The following TMEM132D variants were observed in gnomAD, a reference collection of about 807,000 sequenced individuals.
TMEM132D encodes the protein transmembrane protein 132D.
Under a neutral mutation model 62.3 loss-of-function variants are expected in TMEM132D, and 21 were observed. The ratio of observed to expected loss-of-function variants is 0.34; its 90% CI spans 0.24 to 0.49. The LOEUF (loss-of-function observed/expected upper bound fraction) is 0.49. Ranked by LOEUF, TMEM132D falls within the 20% of genes least tolerant of loss-of-function variation. The pLI, the probability that TMEM132D is intolerant of heterozygous loss-of-function variation, is 0.99. For synonymous variants in TMEM132D, 621 were observed against 575.6 expected, an observed-to-expected ratio of 1.08 and a Z score of -1.13; for missense variants, 1,346 against 1,402.8, an observed-to-expected ratio of 0.96 and a Z score of 0.65.
At chr12:129,847,671 C>T (rs1243226072) in intron 1 of TMEM132D, among the ~76,000 whole-genome samples, 1 of 152,130 alleles carries the variant, frequency 6.6e-6, no homozygotes, top group Non-Finnish European at 1.5e-5. Flanking sequence ...TACGTCCTTG[C>T]TCTATGACCG....
intron 4 of TMEM132D, among the ~76,000 whole-genome samples, chr12:129,279,472 C>T (rs1593321215): frequency 6.6e-6 from 1 of 152,094 alleles, no homozygotes; most frequent in African/African-American, 2.4e-5. Flanking sequence ...CCACATTTTA[C>T]ATCCTTTGAA....
intron 1 of TMEM132D, among the ~76,000 whole-genome samples, chr12:129,708,967 T>G (rs919322545): frequency 6.6e-6 from 1 of 152,140 alleles, no homozygotes; most frequent in Non-Finnish European, 1.5e-5. Flanking sequence ...ATCAGAACTT[T>G]CCAGAGTGAG....
intron 4 of TMEM132D, among the ~76,000 whole-genome samples, chr12:129,279,956 A>G (rs1881096163): frequency 6.6e-6 from 1 of 152,202 alleles, no homozygotes; most frequent in Non-Finnish European, 1.5e-5. Context: ...AAAGTGACAC[A>G]TTGACTTTTC....
At chr12:129,402,264 G>A (rs1471173196) in intron 3 of TMEM132D, among the ~76,000 whole-genome samples, 5 of 152,188 alleles carry the variant, frequency 3.3e-5, no homozygotes, top group Non-Finnish European at 7.3e-5. Context: ...GCACGTCCCT[G>A]AGGTCTGCAC....
rs115135519 is a variant in TMEM132D at position 129,115,064 on chromosome 12, C to T, written c.1444-30362G>A. On this transcript the variant is annotated intron_variant, in intron 5 of 8. Coordinates refer to ENST00000422113, the MANE Select transcript of TMEM132D (RefSeq NM_133448.3). Reference sequence around the variant, plus strand: ...TAGGCGTGGAAAGGGTCACAGAGCTCGTATACATCCTCTTTTATTTTCACT... The same window carrying T: ...TAGGCGTGGAAAGGGTCACAGAGCTTGTATACATCCTCTTTTATTTTCACT... 4.8e-3 allele frequency among the ~76,000 whole-genome samples: 731 copies of T among 152,236 alleles called. 7 individuals carry two copies. The highest frequency in any genetic ancestry group is 0.017 in the African/African-American group (698 of 41,536).
At chr12:129,745,158 T>A (rs1236453949) in intron 1 of TMEM132D, among the ~76,000 whole-genome samples, 3 of 152,188 alleles carry the variant, frequency 2.0e-5, no homozygotes, top group African/African-American at 7.2e-5. Flanking sequence ...TAAATCTCTT[T>A]CCTTTAAAAA....
At chr12:129,224,314 T>G (rs1288785762) in intron 4 of TMEM132D, among the ~76,000 whole-genome samples, 5 of 152,214 alleles carry the variant, frequency 3.3e-5, no homozygotes, top group Admixed American at 1.3e-4. Flanking sequence ...TTGTCTTCTG[T>G]TCCGATGAAT....
chr12:129,898,824 G>A (rs1364218513), intron 1 of TMEM132D, among the ~76,000 whole-genome samples: 1 of 152,238 alleles, frequency 6.6e-6, no homozygotes, highest in African/African-American at 2.4e-5. Context: ...GGTATGGGGT[G>A]CATTGTTGGT....
chr12:129,236,383 C>T (rs1879783491), intron 4 of TMEM132D, among the ~76,000 whole-genome samples: 2 of 151,496 alleles, frequency 1.3e-5, no homozygotes, highest in South Asian at 2.1e-4. Context: ...GGCGTGGTGG[C>T]GTGCGCCTGT....
intron 8 of TMEM132D, 86 bp downstream of exon 8, chr12:129,078,430 TGATCCCACTCTATTGTGC>T (rs1238203391): frequency 8.5e-7 from 1 of 1,169,638 alleles, no homozygotes; most frequent in African/African-American, 1.5e-5. Context: ...GCCCGATATA[TGATCCCACTCTATTGTGC>T]GACCCGCCTG....
At chr12:129,249,277 T>TA (rs377104250) in intron 4 of TMEM132D, among the ~76,000 whole-genome samples, 1 of 152,368 alleles carries the variant, frequency 6.6e-6, no homozygotes, top group African/African-American at 2.4e-5. Flanking sequence ...ACAGATACCC[T>TA]AAGGTGCCTT....
chr12:129,824,733 TGTCTGTTGTTTGAGCCACCCA>T (rs1158713720), intron 1 of TMEM132D, among the ~76,000 whole-genome samples: 1 of 152,166 alleles, frequency 6.6e-6, no homozygotes, highest in East Asian at 1.9e-4. Context: ...GAGAAATAAA[TGTCTGTTGTTTGAGCCACCCA>T]GTCTGTGGCA....
intron 2 of TMEM132D, among the ~76,000 whole-genome samples, chr12:129,615,526 G>A (rs1878889741): frequency 2.6e-5 from 4 of 150,966 alleles, no homozygotes; most frequent in Non-Finnish European, 5.9e-5. Flanking sequence ...CAGTGTGAGA[G>A]GATTGTTCGA....
chr12:129,532,065 A>G (rs1290571809), intron 2 of TMEM132D, among the ~76,000 whole-genome samples: 1 of 152,108 alleles, frequency 6.6e-6, no homozygotes, highest in East Asian at 1.9e-4. Context: ...CAAAAGAAAA[A>G]TAATAATAAA....
At chr12:129,401,901 C>G (rs1248428336) in intron 3 of TMEM132D, among the ~76,000 whole-genome samples, 1 of 152,146 alleles carries the variant, frequency 6.6e-6, no homozygotes, top group Non-Finnish European at 1.5e-5. Flanking sequence ...GCCAGGGCAG[C>G]CTGAGGAATG....
At chr12:129,449,346 A>G (rs1030242685) in intron 3 of TMEM132D, among the ~76,000 whole-genome samples, 5 of 152,214 alleles carry the variant, frequency 3.3e-5, no homozygotes, top group African/African-American at 1.2e-4. Context: ...CCTGGTGTTA[A>G]GGAATGAATA....
At chr12:129,160,770 GA>G in intron 5 of TMEM132D, among the ~76,000 whole-genome samples, 2 of 152,266 alleles carry the variant, frequency 1.3e-5, no homozygotes, top group Middle Eastern at 6.8e-3. Context: ...TTACTACAAA[GA>G]AAAAAGAAAC....
chr12:129,520,420 T>C (rs1432322838), intron 3 of TMEM132D, among the ~76,000 whole-genome samples: 1 of 152,254 alleles, frequency 6.6e-6, no homozygotes, highest in Non-Finnish European at 1.5e-5. Context: ...TCATTAGTAG[T>C]GACTCCTTTC....
Position 129,661,744 on chromosome 12 carries a change from C to T in TMEM132D, c.968+38066G>A, listed in dbSNP as rs1008056471. On this transcript the variant is annotated intron_variant, in intron 2 of 8. Transcript: ENST00000422113. ...ATGGCAAGGAACAAGAAAAATTCAACAATAGTAATTTCATAAAGATGTCTT... is the reference window on the plus strand; with the variant it reads ...ATGGCAAGGAACAAGAAAAATTCAATAATAGTAATTTCATAAAGATGTCTT... Among the ~76,000 whole-genome samples, 5 of 152,148 alleles carry T rather than the reference C, an allele frequency of 3.3e-5. No homozygotes were observed. The East Asian group carries it at 7.7e-4, about 23-fold the overall frequency.
Sources: gnomAD v4.1 joint callset for allele counts (sites outside exome capture counted in the v4.1 genomes callset) on GRCh38, gnomAD v4.1.1 for gene constraint, MANE v1.5 for transcripts, NCBI Gene and HGNC (gene_info 2026-07-23, HGNC 2026-07-21) for gene names.